Variants in PROSER3 observed in about 807,000 individuals in gnomAD.
The protein encoded by PROSER3 is proline and serine-rich protein 3.
Under a neutral mutation model 50.2 loss-of-function variants are expected in PROSER3, and 33 were observed. The observed-to-expected ratio is 0.66, with a 90% confidence interval of 0.50 to 0.88. The LOEUF is 0.88. Ranked by LOEUF, PROSER3 falls within the 40% of genes least tolerant of loss-of-function variation. The pLI is 0.00. For missense variants in PROSER3, 623 were observed against 612.7 expected, an observed-to-expected ratio of 1.02 and a Z score of -0.18; for synonymous variants, 266 against 259.3, an observed-to-expected ratio of 1.03 and a Z score of -0.25.
At chr19:35,764,136 C>G (rs375393321) in intron 5 of PROSER3, among the ~76,000 whole-genome samples, 1 of 152,034 alleles carries the variant, frequency 6.6e-6, no homozygotes, top group African/African-American at 2.4e-5. Context: ...TTTCCCCTCA[C>G]AATAGCCAGG....
chr19:35,764,448 C>G (rs898555796), intron 5 of PROSER3, among the ~76,000 whole-genome samples: 1 of 151,896 alleles, frequency 6.6e-6, no homozygotes, highest in Non-Finnish European at 1.5e-5. Context: ...CCTGAGGTCG[C>G]GAGTTTGAGA....
At chr19:35,770,128 C>G (rs552586083), downstream of PROSER3, among the ~76,000 whole-genome samples, 2 of 152,228 alleles carry the variant, frequency 1.3e-5, no homozygotes, top group East Asian at 3.9e-4. Flanking sequence ...TGGTCTCAAA[C>G]TCATGACCTC....
intron 4 of PROSER3, 46 bp from the exon 5 acceptor site, chr19:35,762,207 A>C (rs1289109102): frequency 6.3e-7 from 1 of 1,597,308 alleles, no homozygotes; most frequent in African/African-American, 1.3e-5. Context: ...CAATGCCCCC[A>C]GCAGCCACTC....
At chr19:35,770,720 C>A (rs1025199831), downstream of PROSER3, 1 of 150,902 alleles carries the variant, frequency 6.6e-6, no homozygotes, top group Non-Finnish European at 1.5e-5. Flanking sequence ...ACTAAAAATA[C>A]AAAAATTGGC....
exon 1 of PROSER3, chr19:35,758,177 A>T: frequency 6.4e-7 from 1 of 1,552,536 alleles, no homozygotes; most frequent in Non-Finnish European, 8.7e-7. Flanking sequence ...CTGTTGGGTG[A>T]AGGAGCAGAG....
chr19:35,766,475 G>A (rs1304412803), intron 7 of PROSER3, among the ~76,000 whole-genome samples: 1 of 152,144 alleles, frequency 6.6e-6, no homozygotes, highest in Non-Finnish European at 1.5e-5. Context: ...GAGCCCAGGA[G>A]GTCGAGACTG....
At chr19:35,770,529 A>G (rs1454468360), downstream of PROSER3, among the ~76,000 whole-genome samples, 5 of 152,180 alleles carry the variant, frequency 3.3e-5, no homozygotes, top group African/African-American at 1.2e-4. Context: ...GGGCCCCTCA[A>G]CAAATAAAAT....
chr19:35,767,870 A>G (rs776176044), exon 9 of PROSER3: 1 of 1,612,034 alleles, frequency 6.2e-7, no homozygotes, highest in South Asian at 1.1e-5. Context: ...GAGCGAAGCC[A>G]CTCCTTCCCC....
intron 5 of PROSER3, 107 bp from the exon 6 acceptor site, chr19:35,764,747 G>A: frequency 1.0e-6 from 1 of 978,290 alleles, no homozygotes; most frequent in South Asian, 1.5e-5. Flanking sequence ...AAGCTGGCAT[G>A]TGAGGTTACC....
intron 3 of PROSER3, among the ~76,000 whole-genome samples, chr19:35,760,633 C>T (rs951964557): frequency 2.0e-5 from 3 of 151,742 alleles, no homozygotes; most frequent in African/African-American, 7.3e-5. Context: ...TTACAGGTGC[C>T]CACCACCACA....
At chr19:35,759,914 G>T (rs777016654) in exon 3 of PROSER3, 23 of 1,604,834 alleles carry the variant, frequency 1.4e-5, no homozygotes, top group Non-Finnish European at 1.8e-5. Context: ...CCCCCTCCCT[G>T]CCCAGCACCA....
downstream of PROSER3, chr19:35,769,237 C>T (rs1971272678): frequency 6.6e-6 from 1 of 152,054 alleles, no homozygotes; most frequent in Admixed American, 6.6e-5. Context: ...GTTTAAAAGA[C>T]ATCTCAAATT....
In PROSER3 at chr19:35,758,915, C is replaced by T. The variant is rs192714885; in HGVS notation, c.12-459C>T. ...AACACCTGACCTCAAGTGATCCACC[C>T]GCCTCGGTGTAATCCCAAAGTGCTG... On this transcript the variant is annotated intron_variant, in intron 1 of 10. Transcript: ENST00000396908. The T allele has an allele frequency of 3.2e-5, 5 of 156,884 alleles. No homozygotes were observed. In the South Asian group the frequency reaches 8.5e-4, roughly 27 times the overall value. The allele number at this position is 156,884 out of a possible 1,614,324, so 9.7% of individuals were successfully genotyped here.
exon 3 of PROSER3, chr19:35,759,841 C>G (rs1288981272): frequency 6.3e-7 from 1 of 1,576,526 alleles, no homozygotes; most frequent in East Asian, 2.4e-5. Context: ...GCTCCCAAGG[C>G]TCTAGCCACA....
chr19:35,767,326 G>A, intron 8 of PROSER3: 1 of 288,256 alleles, frequency 3.5e-6, no homozygotes. Flanking sequence ...TAGCACATCT[G>A]GGCTCTACCC....
chr19:35,764,079 C>T (rs1294230438), intron 5 of PROSER3, among the ~76,000 whole-genome samples: 73 of 152,226 alleles, frequency 4.8e-4, no homozygotes, highest in Non-Finnish European at 1.0e-4. Context: ...TGAGCCACCA[C>T]GCCCGCCTCT....
chr19:35,769,306 CT>C (rs35628507), downstream of PROSER3: 19,502 of 133,842 alleles, frequency 0.15, 1,418 homozygotes, highest in East Asian at 0.25. Flanking sequence ...TCCCCAGCTT[CT>C]TTTTTTTTTT....
exon 9 of PROSER3, chr19:35,767,833 G>T (rs760397364): frequency 1.2e-6 from 2 of 1,613,114 alleles, no homozygotes; most frequent in Admixed American, 3.3e-5. Flanking sequence ...AGGCCTTGCC[G>T]CCCGCAGCGG....
At chr19:35,762,528 G>A (rs1456469769) in intron 5 of PROSER3, 172 bp downstream of exon 5, 1 of 477,934 alleles carries the variant, frequency 2.1e-6, no homozygotes, top group Admixed American at 3.6e-5. Flanking sequence ...GGGTGACATG[G>A]TGAGATTCTG....
Sources: gnomAD v4.1 joint callset for allele counts (sites outside exome capture counted in the v4.1 genomes callset) on GRCh38, gnomAD v4.1.1 for gene constraint, MANE v1.5 for transcripts, NCBI Gene and HGNC (gene_info 2026-07-23, HGNC 2026-07-21) for gene names.